PCCA: variants seen among roughly 807,000 people sequenced by gnomAD.
The protein encoded by PCCA is propionyl-CoA carboxylase subunit alpha.
PCCA carries 74 observed loss-of-function variants against 101.3 expected under a neutral mutation model. The observed-to-expected ratio is 0.73, with a 90% CI of 0.61 to 0.89. The LOEUF is 0.89. Ranked by LOEUF, PCCA falls within the 40% of genes least tolerant of loss-of-function variation. The pLI is 0.00. For synonymous variants in PCCA, 294 were observed against 313.6 expected, an observed-to-expected ratio of 0.94 and a Z score of 0.66; for missense variants, 891 against 907.0, an observed-to-expected ratio of 0.98 and a Z score of 0.23.
chr13:100,435,335 G>C (rs549488563), intron 20 of PCCA, among the ~76,000 whole-genome samples: 14 of 152,108 alleles, frequency 9.2e-5, no homozygotes, highest in Non-Finnish European at 1.2e-4. Context: ...CTACCTCTGT[G>C]ATCCAAACAC....
chr13:100,136,291 T>G (rs2051163516), intron 4 of PCCA, among the ~76,000 whole-genome samples: 1 of 151,348 alleles, frequency 6.6e-6, no homozygotes, highest in African/African-American at 2.4e-5. Context: ...GTTCAAGTGA[T>G]TCTCCTGCCT....
At chr13:100,224,654 T>C (rs917065993) in intron 7 of PCCA, among the ~76,000 whole-genome samples, 1 of 152,248 alleles carries the variant, frequency 6.6e-6, no homozygotes, top group Admixed American at 6.5e-5. Flanking sequence ...TTGATAATGC[T>C]AAGCTCAAGG....
chr13:100,141,097 G>T (rs2051814694), intron 4 of PCCA, among the ~76,000 whole-genome samples: 1 of 152,102 alleles, frequency 6.6e-6, no homozygotes, highest in South Asian at 2.1e-4. Flanking sequence ...CTTTCCATAG[G>T]AGATAAACAT....
chr13:100,103,335 G>A (rs1275765609), intron 2 of PCCA, among the ~76,000 whole-genome samples: 1 of 146,564 alleles, frequency 6.8e-6, no homozygotes, highest in Non-Finnish European at 1.5e-5. Context: ...TTTTTGAGAT[G>A]GAGTCATGCT....
chr13:100,368,883 G>A (rs1383293663), intron 19 of PCCA, among the ~76,000 whole-genome samples: 1 of 152,188 alleles, frequency 6.6e-6, no homozygotes, highest in African/African-American at 2.4e-5. Flanking sequence ...AGTTCCAAAT[G>A]TATGATAGTG....
intron 7 of PCCA, among the ~76,000 whole-genome samples, chr13:100,213,865 T>G (rs558726322): frequency 6.6e-6 from 1 of 152,300 alleles, no homozygotes; most frequent in Non-Finnish European, 1.5e-5. Flanking sequence ...TAATTTGAGG[T>G]TTTAGGTTTA....
At chr13:100,488,520 T>A (rs753225217) in intron 21 of PCCA, among the ~76,000 whole-genome samples, 1 of 152,112 alleles carries the variant, frequency 6.6e-6, no homozygotes. Context: ...ACACCTGTAA[T>A]CCCAATACCT....
chr13:100,259,625 G>A (rs1039582246), intron 9 of PCCA, among the ~76,000 whole-genome samples: 11 of 151,984 alleles, frequency 7.2e-5, no homozygotes. Flanking sequence ...GCACCACTGC[G>A]CCCAACCTTT....
At chr13:100,230,661 A>G (rs1050179747) in intron 7 of PCCA, among the ~76,000 whole-genome samples, 1 of 152,088 alleles carries the variant, frequency 6.6e-6, no homozygotes, top group African/African-American at 2.4e-5. Flanking sequence ...CTGACTCTTC[A>G]GATCCCTCTT....
chr13:100,121,488 C>G (rs1245336085), intron 4 of PCCA, among the ~76,000 whole-genome samples: 1 of 121,432 alleles, frequency 8.2e-6, no homozygotes, highest in South Asian at 2.7e-4. Context: ...TTTTTTTTCT[C>G]TCTTGAGACC....
chr13:100,305,706 T>G (rs2066389964), intron 14 of PCCA: 1 of 323,002 alleles, frequency 3.1e-6, no homozygotes, highest in African/African-American at 2.2e-5. Context: ...AAAGGTAGAT[T>G]GTGATTTTAT....
intron 21 of PCCA, among the ~76,000 whole-genome samples, chr13:100,493,925 T>C (rs2085086901): frequency 6.6e-6 from 1 of 152,216 alleles, no homozygotes; most frequent in Non-Finnish European, 1.5e-5. Flanking sequence ...GCGCGGTGGC[T>C]CACGCCTGTA....
intron 20 of PCCA, among the ~76,000 whole-genome samples, chr13:100,431,292 A>T (rs952558060): frequency 6.6e-6 from 1 of 152,142 alleles, no homozygotes; most frequent in African/African-American, 2.4e-5. Context: ...AAATTGGATT[A>T]TCTTTTTCTT....
At chr13:100,186,310 A>G (rs1261454437) in intron 6 of PCCA, among the ~76,000 whole-genome samples, 1 of 152,244 alleles carries the variant, frequency 6.6e-6, no homozygotes, top group Non-Finnish European at 1.5e-5. Flanking sequence ...ATTTAGTTTA[A>G]TACACACTTG....
At chr13:100,458,939 G>A (rs532351613) in intron 21 of PCCA, among the ~76,000 whole-genome samples, 1 of 152,214 alleles carries the variant, frequency 6.6e-6, no homozygotes, top group African/African-American at 2.4e-5. Context: ...TAACAGAAAT[G>A]TGTTCCTTCA....
chr13:100,309,972 G>C, intron 16 of PCCA, 64 bp downstream of exon 16: 1 of 1,175,624 alleles, frequency 8.5e-7, no homozygotes, highest in Non-Finnish European at 1.3e-6. Flanking sequence ...AGAACAGCCT[G>C]GGGGTTTACC....
chr13:100,463,336 GTTTTTTTTTTTTT>G (rs574359198), intron 21 of PCCA, among the ~76,000 whole-genome samples: 1 of 114,332 alleles, frequency 8.7e-6, no homozygotes, highest in Non-Finnish European at 1.7e-5. Flanking sequence ...TATTGGTGTG[GTTTTTTTTTTTTT>G]TTTTTTTTTT....
intron 21 of PCCA, among the ~76,000 whole-genome samples, chr13:100,461,830 G>T (rs967629273): frequency 2.0e-5 from 3 of 152,202 alleles, no homozygotes; most frequent in Non-Finnish European, 4.4e-5. Flanking sequence ...TACCCAAGCT[G>T]CATTGGTCCC....
At chr13:100,359,365 G>A (rs2074321396) in intron 18 of PCCA, among the ~76,000 whole-genome samples, 1 of 152,050 alleles carries the variant, frequency 6.6e-6, no homozygotes, top group Non-Finnish European at 1.5e-5. Flanking sequence ...AAGAATAAAA[G>A]GCATAGAAAT....
Sources: gnomAD v4.1 joint callset for allele counts (sites outside exome capture counted in the v4.1 genomes callset) on GRCh38, gnomAD v4.1.1 for gene constraint, MANE v1.5 for transcripts, NCBI Gene and HGNC (gene_info 2026-07-23, HGNC 2026-07-21) for gene names.